CSTPP1: variants seen among roughly 807,000 people sequenced by gnomAD.
CSTPP1 encodes the protein centriolar satellite-associated tubulin polyglutamylase complex regulator 1.
chr11:47,084,221 T>A, the CSTPP1 span, among the ~76,000 whole-genome samples: 3 of 152,218 alleles, frequency 2.0e-5, no homozygotes, highest in African/African-American at 7.2e-5. Flanking sequence ...GTGAAGTGTC[T>A]CTTCAAATAT....
At chr11:47,058,845 CTG>C in the CSTPP1 span, among the ~76,000 whole-genome samples, 1 of 152,164 alleles carries the variant, frequency 6.6e-6, no homozygotes, top group Non-Finnish European at 1.5e-5. Context: ...TGCATCAACA[CTG>C]CATGACAGGC....
the CSTPP1 span, among the ~76,000 whole-genome samples, chr11:46,985,823 A>G: frequency 6.6e-6 from 1 of 152,138 alleles, no homozygotes; most frequent in Non-Finnish European, 1.5e-5. Flanking sequence ...TCCCCATTTT[A>G]CCATGAAGAA....
chr11:47,066,696 AT>A, the CSTPP1 span, among the ~76,000 whole-genome samples: 3 of 152,196 alleles, frequency 2.0e-5, no homozygotes, highest in Non-Finnish European at 2.9e-5. Context: ...CATATTTGTG[AT>A]TGTTTTTTAA....
the CSTPP1 span, among the ~76,000 whole-genome samples, chr11:47,036,227 TATA>T: frequency 6.4e-5 from 3 of 46,550 alleles, 1 homozygote; most frequent in Non-Finnish European, 1.6e-4. Flanking sequence ...ATATAATATA[TATA>T]ATATATTATA....
chr11:47,028,805 G>C, the CSTPP1 span, among the ~76,000 whole-genome samples: 1 of 152,060 alleles, frequency 6.6e-6, no homozygotes, highest in African/African-American at 2.4e-5. Context: ...TAGGTCAGGA[G>C]ACAAAATCAT....
chr11:47,012,436 G>A, the CSTPP1 span, among the ~76,000 whole-genome samples: 33 of 152,184 alleles, frequency 2.2e-4, no homozygotes, highest in Admixed American at 2.0e-4. Context: ...TTAAGATAAT[G>A]GAGAGAGAAG....
the CSTPP1 span, among the ~76,000 whole-genome samples, chr11:46,992,441 A>G: frequency 1.5e-5 from 2 of 129,284 alleles, no homozygotes; most frequent in Non-Finnish European, 3.1e-5. Flanking sequence ...TCCTGTGTCC[A>G]AGTGTTTTCA....
At chr11:47,017,076 C>A in the CSTPP1 span, among the ~76,000 whole-genome samples, 1 of 150,066 alleles carries the variant, frequency 6.7e-6, no homozygotes, top group Admixed American at 6.7e-5. Context: ...TGGTCTCGAT[C>A]TCCTGATCTC....
At chr11:46,955,227 T>C in the CSTPP1 span, among the ~76,000 whole-genome samples, 8 of 152,282 alleles carry the variant, frequency 5.3e-5, no homozygotes, top group Admixed American at 1.3e-4. Flanking sequence ...TACATTCATA[T>C]TCCCTTTCTT....
the CSTPP1 span, among the ~76,000 whole-genome samples, chr11:47,094,100 A>G: frequency 6.6e-6 from 1 of 152,212 alleles, no homozygotes; most frequent in Non-Finnish European, 1.5e-5. Flanking sequence ...CAATGTAAGA[A>G]GAAATGTTCT....
chr11:47,026,437 G>A, the CSTPP1 span, among the ~76,000 whole-genome samples: 1 of 152,024 alleles, frequency 6.6e-6, no homozygotes, highest in African/African-American at 2.4e-5. Context: ...GGTAATTGTT[G>A]TTATTTTTTT....
At chr11:46,948,669 A>G in the CSTPP1 span, among the ~76,000 whole-genome samples, 1 of 152,100 alleles carries the variant, frequency 6.6e-6, no homozygotes. Flanking sequence ...AGTTTTATAC[A>G]CTCCTCATGA....
the CSTPP1 span, among the ~76,000 whole-genome samples, chr11:47,089,101 A>AC: frequency 6.6e-6 from 1 of 151,924 alleles, no homozygotes; most frequent in Non-Finnish European, 1.5e-5. Flanking sequence ...GACAGGCCCC[A>AC]GTCTGCAGCA....
chr11:47,112,925 T>TG, the CSTPP1 span, among the ~76,000 whole-genome samples: 2 of 152,148 alleles, frequency 1.3e-5, no homozygotes, highest in African/African-American at 4.8e-5. Context: ...TGTGCCATGT[T>TG]GGTTTGCTGC....
chr11:47,053,104 GA>G, the CSTPP1 span: 3 of 152,710 alleles, frequency 2.0e-5, no homozygotes, highest in Non-Finnish European at 4.4e-5. Flanking sequence ...CCTTAGAACT[GA>G]CTGTTTGATC....
At chr11:47,052,856 C>G in the CSTPP1 span, 1 of 170,138 alleles carries the variant, frequency 5.9e-6, no homozygotes, top group Non-Finnish European at 1.3e-5. Context: ...CATTTTGTAA[C>G]TAATGAAACT....
chr11:46,937,197 C>A, the CSTPP1 span, among the ~76,000 whole-genome samples: 1 of 152,088 alleles, frequency 6.6e-6, no homozygotes, highest in Non-Finnish European at 1.5e-5. Context: ...AATCAGTCAG[C>A]GAACATTTCG....
At chr11:47,029,828 T>G in the CSTPP1 span, among the ~76,000 whole-genome samples, 3 of 149,296 alleles carry the variant, frequency 2.0e-5, no homozygotes, top group Admixed American at 6.7e-5. Flanking sequence ...CTGGGCACAG[T>G]GGCTCACACC....
At chr11:46,943,220 C>G in the CSTPP1 span, among the ~76,000 whole-genome samples, 1 of 152,072 alleles carries the variant, frequency 6.6e-6, no homozygotes, top group African/African-American at 2.4e-5. Flanking sequence ...TACTCTGTAC[C>G]AGGTACCATT....
Sources: gnomAD v4.1 joint callset for allele counts (sites outside exome capture counted in the v4.1 genomes callset) on GRCh38, gnomAD v4.1.1 for gene constraint, MANE v1.5 for transcripts, NCBI Gene and HGNC (gene_info 2026-07-23, HGNC 2026-07-21) for gene names.